CNTNAP2: variants seen among roughly 807,000 people sequenced by gnomAD.
CNTNAP2 encodes the protein contactin-associated protein-like 2.
A neutral mutation model predicts 155.2 loss-of-function variants in CNTNAP2; 98 were observed. That is an observed-to-expected ratio of 0.63 (90% CI 0.54 to 0.75). The LOEUF is 0.75. CNTNAP2 is among the 30% of genes least tolerant of loss of function. The probability of loss-of-function intolerance (pLI) is 0.00; values close to 1 mark genes in which losing one functional copy is unlikely to be tolerated. For missense variants in CNTNAP2, 1,727 were observed against 1,688.1 expected (o/e 1.02, Z -0.40); for synonymous variants, 651 against 631.2 (o/e 1.03, Z -0.47).
rs542191481 is a variant in CNTNAP2, at chr7:147,902,204, A to G, written c.2099-1361A>G. 1.1e-4 allele frequency among the ~76,000 whole-genome samples: 17 copies of G among 152,328 alleles called. No individual in the cohort carries two copies. In the South Asian group the frequency reaches 3.3e-3, roughly 30 times the overall value. Reference sequence around the variant, plus strand: ...TTGAATGTAAAATTGTCTTCCAAGGAGAGAGGTACATATTCCCATGAGAAA... The same window carrying G: ...TTGAATGTAAAATTGTCTTCCAAGGGGAGAGGTACATATTCCCATGAGAAA... On this transcript the variant is annotated intron_variant, in intron 13 of 23. Coordinates refer to ENST00000361727, the MANE Select transcript of CNTNAP2 (RefSeq NM_014141.6).
intron 8 of CNTNAP2, among the ~76,000 whole-genome samples, chr7:147,193,261 G>A (rs1563110543): frequency 6.6e-6 from 1 of 152,238 alleles, no homozygotes; most frequent in East Asian, 1.9e-4. Context: ...GTGCTATTAG[G>A]GAACTTGTCC....
At chr7:146,811,113 T>C (rs1048645448) in intron 2 of CNTNAP2, among the ~76,000 whole-genome samples, 5 of 152,152 alleles carry the variant, frequency 3.3e-5, no homozygotes, top group Non-Finnish European at 2.9e-5. Context: ...GTAGCATCCT[T>C]ATCTGGCTTT....
At chr7:148,384,541 C>A (rs1433356741) in intron 22 of CNTNAP2, among the ~76,000 whole-genome samples, 4 of 152,176 alleles carry the variant, frequency 2.6e-5, no homozygotes, top group Non-Finnish European at 4.4e-5. Context: ...TTAGGTCGTA[C>A]TCCTAGCTCC....
At chr7:148,088,108 T>C (rs371363319) in intron 15 of CNTNAP2, among the ~76,000 whole-genome samples, 1 of 152,062 alleles carries the variant, frequency 6.6e-6, no homozygotes, top group African/African-American at 2.4e-5. Context: ...GCACACATGC[T>C]ATTTCCAGCA....
chr7:147,274,517 T>C (rs1460241422), intron 8 of CNTNAP2, among the ~76,000 whole-genome samples: 1 of 152,108 alleles, frequency 6.6e-6, no homozygotes, highest in Non-Finnish European at 1.5e-5. Context: ...ATTTTTTTGT[T>C]GTTGTTGTTG....
intron 17 of CNTNAP2, among the ~76,000 whole-genome samples, chr7:148,154,403 C>T (rs1160812632): frequency 6.6e-6 from 1 of 152,184 alleles, no homozygotes; most frequent in African/African-American, 2.4e-5. Context: ...TTCTCTGAGT[C>T]CAACCTCCCC....
rs113259406 is a variant in CNTNAP2 at position 148,085,139 on chromosome 7, A to G, written c.2384-32979A>G. On this transcript the variant is annotated intron_variant, in intron 15 of 23. Transcript: ENST00000361727. Reference sequence around the variant, plus strand: ...TTACTAAATGTAATATCTAAGTAAAACCCAGTTATGACCTATATATATGGA... The same window carrying G: ...TTACTAAATGTAATATCTAAGTAAAGCCCAGTTATGACCTATATATATGGA... Among the ~76,000 whole-genome samples the G allele has an allele frequency of 2.7e-4, 41 of 152,286 alleles. 1 individual carries two copies. Among genetic ancestry groups the G allele is most frequent in the African/African-American group, 9.9e-4 (41 of 41,562 alleles).
intron 13 of CNTNAP2, among the ~76,000 whole-genome samples, chr7:147,774,117 A>G (rs1797519090): frequency 6.6e-6 from 1 of 152,086 alleles, no homozygotes; most frequent in South Asian, 2.1e-4. Flanking sequence ...GTAGTTAATA[A>G]TGCCCTTTTC....
chr7:147,369,493 C>G (rs534724811), intron 9 of CNTNAP2, among the ~76,000 whole-genome samples: 1 of 152,310 alleles, frequency 6.6e-6, no homozygotes, highest in Non-Finnish European at 1.5e-5. Context: ...AATCATTTCT[C>G]AAAATCGTTT....
chr7:148,305,053 CAAAA>C (rs71188964), intron 21 of CNTNAP2, among the ~76,000 whole-genome samples: 1 of 109,778 alleles, frequency 9.1e-6, no homozygotes, highest in Admixed American at 9.8e-5. Context: ...CCTGTCTCTA[CAAAA>C]AAAAAAAAAA....
intron 3 of CNTNAP2, among the ~76,000 whole-genome samples, chr7:147,009,852 C>T (rs1321553738): frequency 6.6e-6 from 1 of 151,978 alleles, no homozygotes. Context: ...TTAGAAGCTA[C>T]ACAGTTTTCA....
intron 13 of CNTNAP2, among the ~76,000 whole-genome samples, chr7:147,812,432 G>A (rs769604186): frequency 1.3e-5 from 2 of 151,660 alleles, no homozygotes; most frequent in African/African-American, 2.4e-5. Context: ...AAGAAGCACA[G>A]GTCAGCCGGA....
chr7:147,557,454 A>G (rs1318044034), intron 11 of CNTNAP2, among the ~76,000 whole-genome samples: 1 of 151,702 alleles, frequency 6.6e-6, no homozygotes, highest in East Asian at 1.9e-4. Flanking sequence ...AATAGACTTG[A>G]TGAGTCTATT....
intron 4 of CNTNAP2, among the ~76,000 whole-genome samples, chr7:147,062,058 G>A (rs1321525031): frequency 1.4e-5 from 2 of 141,944 alleles, no homozygotes; most frequent in Non-Finnish European, 3.0e-5. Flanking sequence ...AACCCGGGAG[G>A]CAGAGCTTGC....
chr7:147,045,155 C>T (rs1373986511), intron 4 of CNTNAP2, among the ~76,000 whole-genome samples: 1 of 152,038 alleles, frequency 6.6e-6, no homozygotes. Context: ...AACAAAGATG[C>T]TGGGTATGAA....
chr7:146,818,610 G>T (rs937324771), intron 2 of CNTNAP2, among the ~76,000 whole-genome samples: 1 of 152,034 alleles, frequency 6.6e-6, no homozygotes, highest in Admixed American at 6.6e-5. Context: ...AGCTCTCTGT[G>T]GCCTGGGCAA....
intron 1 of CNTNAP2, among the ~76,000 whole-genome samples, chr7:146,610,150 C>A (rs538917664): frequency 6.6e-6 from 1 of 152,292 alleles, no homozygotes; most frequent in South Asian, 2.1e-4. Flanking sequence ...TAATAATAAT[C>A]ATCATTTTCA....
chr7:148,221,557 A>G (rs1428898519), intron 19 of CNTNAP2, among the ~76,000 whole-genome samples: 7 of 152,314 alleles, frequency 4.6e-5, no homozygotes, highest in East Asian at 1.9e-4. Context: ...GACTTCAAAT[A>G]CAACATGTTT....
intron 1 of CNTNAP2, among the ~76,000 whole-genome samples, chr7:146,665,098 A>G (rs1333792905): frequency 6.6e-6 from 1 of 151,978 alleles, no homozygotes; most frequent in Non-Finnish European, 1.5e-5. Flanking sequence ...ACAGGCACCC[A>G]CCACAATACC....
Sources: gnomAD v4.1 joint callset for allele counts (sites outside exome capture counted in the v4.1 genomes callset) on GRCh38, gnomAD v4.1.1 for gene constraint, MANE v1.5 for transcripts, NCBI Gene and HGNC (gene_info 2026-07-23, HGNC 2026-07-21) for gene names.